The following DNAH8 variants were observed in gnomAD, a reference collection of about 807,000 sequenced individuals.
DNAH8 encodes the protein dynein axonemal heavy chain 8, also known as axonemal beta dynein heavy chain 8.
Under a neutral mutation model 562.1 loss-of-function variants are expected in DNAH8, and 382 were observed. The ratio of observed to expected loss-of-function variants is 0.68; its 90% CI spans 0.63 to 0.74. The LOEUF (loss-of-function observed/expected upper bound fraction) is 0.74, where lower values mean the gene tolerates loss of function less well. Ranked by LOEUF, DNAH8 falls within the 30% of genes least tolerant of loss-of-function variation. The pLI is 0.00. For synonymous variants in DNAH8, 1,881 were observed against 1,919.4 expected (o/e 0.98, Z 0.52); for missense variants, 5,203 against 5,620.4 (o/e 0.93, Z 2.37).
chr6:38,788,560 GC>G (rs1220490136), intron 18 of DNAH8, among the ~76,000 whole-genome samples: 2 of 152,050 alleles, frequency 1.3e-5, no homozygotes, highest in Non-Finnish European at 2.9e-5. Context: ...CTTTTCATAT[GC>G]TTACTAACCT....
chr6:39,020,701 G>T (rs1187169662), intron 91 of DNAH8, among the ~76,000 whole-genome samples: 3 of 152,080 alleles, frequency 2.0e-5, no homozygotes, highest in Non-Finnish European at 2.9e-5. Flanking sequence ...CTCAGTGTGT[G>T]TGTTCCCTTC....
Position 38,938,889 on chromosome 6 carries a change from TAC to T in DNAH8, c.11909_11910del (p.Tyr3970Ter). 6.2e-7 allele frequency: 1 copy of T among 1,613,794 alleles called. No homozygotes were observed. Among genetic ancestry groups the T allele is most frequent in the South Asian group, 1.1e-5 (1 of 91,070 alleles). The part of the protein sequence containing the change: ...EVFTYSVRGL[Y>X]ENHKFLFVLL... ...TTTTACATACTCTGTCAGAGGCCTA[TAC>T]GAAAACCACAAATTCCTGTTTGTAC... is the stretch of plus-strand genomic sequence containing the variant. On this transcript the variant is annotated frameshift_variant, in exon 79 of 93. Transcript: ENST00000327475. LOFTEE classifies it high-confidence loss of function.
At chr6:38,926,360 A>T (rs1378614928) in intron 74 of DNAH8, 150 bp downstream of exon 74, 5 of 768,386 alleles carry the variant, frequency 6.5e-6, no homozygotes, top group Non-Finnish European at 1.0e-5. Flanking sequence ...ATTTGGGGCA[A>T]CAGCTCTGAT....
chr6:38,862,149 C>T, intron 43 of DNAH8, 131 bp from the exon 44 acceptor site: 1 of 710,434 alleles, frequency 1.4e-6, no homozygotes, highest in South Asian at 2.4e-5. Context: ...CTTGTTTGTT[C>T]ACTTCTTTTA....
intron 45 of DNAH8, among the ~76,000 whole-genome samples, chr6:38,866,343 G>C (rs999642133): frequency 2.6e-5 from 4 of 151,870 alleles, no homozygotes; most frequent in African/African-American, 4.8e-5. Context: ...TTTTAAGTCA[G>C]TAGACAATTT....
intron 82 of DNAH8, among the ~76,000 whole-genome samples, chr6:38,962,424 A>G (rs1325806002): frequency 6.6e-6 from 1 of 152,192 alleles, no homozygotes; most frequent in Non-Finnish European, 1.5e-5. Flanking sequence ...TTTATCATTT[A>G]CATTACAAAC....
intron 71 of DNAH8, 141 bp downstream of exon 71, chr6:38,921,647 A>G: frequency 9.9e-7 from 1 of 1,005,144 alleles, no homozygotes; most frequent in Admixed American, 3.0e-5. Context: ...TTGGTGCTCA[A>G]AATTATTTTT....
intron 9 of DNAH8, among the ~76,000 whole-genome samples, chr6:38,752,876 G>A (rs1220669695): frequency 2.0e-5 from 3 of 152,140 alleles, no homozygotes; most frequent in Admixed American, 6.5e-5. Flanking sequence ...TCCATAAAGA[G>A]ATTGTCGATT....
At chr6:38,769,160 C>A (rs575880543) in intron 11 of DNAH8, among the ~76,000 whole-genome samples, 1 of 152,256 alleles carries the variant, frequency 6.6e-6, no homozygotes, top group East Asian at 1.9e-4. Flanking sequence ...TTGGAGGAAA[C>A]AATGAGAATT....
At chr6:38,806,656 A>G (rs897166455) in intron 23 of DNAH8, among the ~76,000 whole-genome samples, 12 of 152,042 alleles carry the variant, frequency 7.9e-5, no homozygotes, top group African/African-American at 2.9e-4. Flanking sequence ...GGTCTAACAT[A>G]AAAATCTGAT....
intron 91 of DNAH8, among the ~76,000 whole-genome samples, chr6:39,020,614 T>A (rs1017083998): frequency 6.6e-6 from 1 of 152,234 alleles, no homozygotes; most frequent in Admixed American, 6.5e-5. Flanking sequence ...TTGCTGCACC[T>A]ATCATCTAGG....
In DNAH8 at chr6:38,857,627, A is replaced by G. The variant is rs780613252; in HGVS notation, c.5843A>G (p.Asp1948Gly). Reference protein sequence around the residue: ...IMQVTNQKFLDILNTLISQTT... With the variant: ...IMQVTNQKFLGILNTLISQTT... ...CAAGTGACCAATCAGAAATTTTTGG[A>G]TATTCTAAATACTCTCATTAGTCAG... The change falls in exon 42 of 93, where the codon GAT (aspartate) becomes GGT (glycine). Residue 1948 changes from aspartate (D) to glycine (G), a missense_variant. Physicochemically the swap from Asp to Gly is moderately conservative, Grantham distance 94. This residue lies in a region of DNAH8 where 2,176 missense variants were observed against 2,365.1 expected (regional missense o/e 0.92). Transcript: ENST00000327475. The G allele has an allele frequency of 1.9e-6, 3 of 1,613,670 alleles. No individual in the cohort carries two copies. The African/African-American group carries it at 4.0e-5, about 22-fold the overall frequency.
intron 7 of DNAH8, 30 bp downstream of exon 7, chr6:38,738,002 C>T (rs1242550935): frequency 1.2e-6 from 2 of 1,600,712 alleles, no homozygotes; most frequent in Admixed American, 1.7e-5. Flanking sequence ...TGCATCTGGA[C>T]TAGTAGTTTT....
intron 74 of DNAH8, among the ~76,000 whole-genome samples, chr6:38,927,619 C>T (rs1354252694): frequency 6.6e-6 from 1 of 152,264 alleles, no homozygotes; most frequent in Non-Finnish European, 1.5e-5. Context: ...TATAACTTGT[C>T]CCTGGCCCCA....
intron 9 of DNAH8, among the ~76,000 whole-genome samples, chr6:38,752,644 C>T (rs1203688459): frequency 2.6e-5 from 4 of 151,934 alleles, no homozygotes; most frequent in East Asian, 1.9e-4. Flanking sequence ...AGGTTATGGC[C>T]TATATCACTT....
intron 23 of DNAH8, among the ~76,000 whole-genome samples, chr6:38,806,342 A>T (rs1015116937): frequency 5.9e-5 from 9 of 152,214 alleles, no homozygotes; most frequent in Non-Finnish European, 1.2e-4. Context: ...TTCTTGCTCA[A>T]GGATGATATT....
intron 76 of DNAH8, 123 bp downstream of exon 76, chr6:38,932,116 A>T: frequency 1.5e-6 from 1 of 673,010 alleles, no homozygotes; most frequent in Non-Finnish European, 2.3e-6. Flanking sequence ...TTGTTAACAT[A>T]AGTATTTCTT....
chr6:38,783,546 CTCCTT>C (rs1371299151), intron 17 of DNAH8, among the ~76,000 whole-genome samples: 2 of 152,182 alleles, frequency 1.3e-5, no homozygotes, highest in Non-Finnish European at 2.9e-5. Flanking sequence ...TCCTGTGTCT[CTCCTT>C]TACTTTCTCC....
intron 28 of DNAH8, among the ~76,000 whole-genome samples, chr6:38,825,296 G>T (rs1024083109): frequency 1.3e-5 from 2 of 152,164 alleles, no homozygotes; most frequent in Non-Finnish European, 2.9e-5. Context: ...GGCAAGAGCG[G>T]TGCAGCCATG....
Sources: gnomAD v4.1 joint callset for allele counts (sites outside exome capture counted in the v4.1 genomes callset) on GRCh38, gnomAD v4.1.1 for gene constraint, gnomAD v4.1.1 regional missense constraint, MANE v1.5 for transcripts, NCBI Gene and HGNC (gene_info 2026-07-23, HGNC 2026-07-21) for gene names.